BATF2: variants seen among roughly 807,000 people sequenced by gnomAD.
The protein encoded by BATF2 is basic leucine zipper transcriptional factor ATF-like 2.
In BATF2, 4 loss-of-function variants were observed where a neutral mutation model predicts 7.3. The ratio of observed to expected loss-of-function variants is 0.55; its 90% CI spans 0.27 to 1.26. The LOEUF (loss-of-function observed/expected upper bound fraction) is 1.26, where lower values mean the gene tolerates loss of function less well. Among genes scored for constraint, BATF2 ranks in the 50% most tolerant of loss-of-function variants. The pLI is 0.11. For missense variants in BATF2, 295 were observed against 340.5 expected (o/e 0.87, Z 1.05); for synonymous variants, 152 against 153.9 (o/e 0.99, Z 0.09).
chr11:64,990,429 T>C, intron 2 of BATF2: 4 of 1,338,212 alleles, frequency 3.0e-6, no homozygotes, highest in Non-Finnish European at 3.9e-6. Context: ...AGATTGCTTA[T>C]TGCCACTGCC....
rs1254158320 is a variant in BATF2, at chr11:64,989,208, CA to C, written c.745del (p.Trp249GlyfsTer61). 6.2e-7 allele frequency: 1 copy of C among 1,614,060 alleles called. No homozygotes were observed. Among genetic ancestry groups the C allele is most frequent in the Non-Finnish European group, 8.5e-7 (1 of 1,179,990 alleles). ...EHKPALSAAT[W>X]QGLVVDPSPH... ...GCTGGGATCCACAACCAGCCCTTGC[CA>C]AGTGGCTGCTGAGAGAGCAGGTTTG... On this transcript the variant is annotated frameshift_variant, in exon 3 of 3. Coordinates refer to ENST00000301887, the MANE Select transcript of BATF2 (RefSeq NM_138456.4). LOFTEE classifies it low-confidence loss of function (END_TRUNC). This position sits in a 1 kb window ranked among gnomAD's most constrained non-coding sequence, Gnocchi z 4.3.
chr11:64,992,370 C>A (rs1009331307), intron 2 of BATF2, among the ~76,000 whole-genome samples: 4 of 152,072 alleles, frequency 2.6e-5, no homozygotes, highest in Admixed American at 6.5e-5. Flanking sequence ...CCTGGCTCAT[C>A]TCCTCTTTAG....
chr11:64,992,021 CTTT>C (rs956532165), intron 2 of BATF2, among the ~76,000 whole-genome samples: 1 of 152,014 alleles, frequency 6.6e-6, no homozygotes, highest in African/African-American at 2.4e-5. Context: ...GCTTCATCGC[CTTT>C]TTTTGTTGTT....
In BATF2 at chr11:64,989,640, C is replaced by T. The variant is rs867057001; in HGVS notation, c.314G>A (p.Gly105Glu). Residue 105 changes from glycine (G) to glutamate (E), a missense_variant, in exon 3 of 3, where the codon GGG (glycine) becomes GAG (glutamate). Transcript: ENST00000301887. The surrounding 1 kb of genome is among the most constrained non-coding windows in gnomAD (Gnocchi z 4.3). ...GLLGCWDQAE[G>E]LLGPGPQGQH... ...TCCCTGTGGGCCAGGGCCCAGGAGCCCCTCAGCCTGGTCCCAGCAGCCCAG... is the reference window on the plus strand; with the variant it reads ...TCCCTGTGGGCCAGGGCCCAGGAGCTCCTCAGCCTGGTCCCAGCAGCCCAG... 6.2e-7 allele frequency: 1 copy of T among 1,612,692 alleles called. No homozygotes were observed. The highest frequency in any genetic ancestry group is 8.5e-7 in the Non-Finnish European group (1 of 1,179,554).
At position 64,994,759 on chromosome 11, in the gene BATF2, C is replaced by T. The variant is rs112703131; in HGVS notation, c.40-210G>A. 3.8e-3 allele frequency among the ~76,000 whole-genome samples: 585 copies of T among 152,346 alleles called. 1 individual carries two copies. Among genetic ancestry groups the T allele is most frequent in the Non-Finnish European group, 7.1e-3 (486 of 68,034 alleles). On this transcript the variant is annotated intron_variant, in intron 1 of 2. Coordinates refer to ENST00000301887, the MANE Select transcript of BATF2 (RefSeq NM_138456.4). ...AGCCTCACCCCTGTGTCCTGCTCACCGCTCATGTGGAGGGTGGGAGGGCAA... is the reference window on the plus strand; with the variant it reads ...AGCCTCACCCCTGTGTCCTGCTCACTGCTCATGTGGAGGGTGGGAGGGCAA...
rs1215725532 is a variant in BATF2 at position 64,996,876 on chromosome 11, T to C, written c.39A>G (p.Thr13=). The part of the protein sequence containing the change: ...LCGGNGLLTQ[T]DPKEQQRQLK... The stretch of plus-strand genomic sequence containing the variant: ...CCGATCCCCAATCCCCTGTACTCAC[T>C]GTCTGGGTCAGCAGCCCATTGCCCC... Residue 13 remains threonine (T), a splice_region_variant and synonymous_variant, in exon 1 of 3, where the codon ACA becomes ACG. Transcript: ENST00000301887. 6.2e-7 allele frequency: 1 copy of C among 1,610,608 alleles called. No individual in the cohort carries two copies.
chr11:64,989,728 T>G lies in BATF2; in HGVS notation c.226A>C (p.Thr76Pro). ...CACAGGCGCTCATGCACGTGCAGGG[T>G]CCGGCTCCACCACGCCAGCTCGGCC... ...LQAELAWWSR[T>P]LHVHERLCPM... The change falls in exon 3 of 3, where the codon ACC (threonine) becomes CCC (proline). Residue 76 changes from threonine to proline, a missense_variant. Physicochemically the swap from Thr to Pro is conservative, Grantham distance 38. Transcript: ENST00000301887. This position sits in a 1 kb window ranked among gnomAD's most constrained non-coding sequence, Gnocchi z 4.3. 1 of 1,613,874 alleles carries G rather than the reference T, an allele frequency of 6.2e-7. No homozygotes were observed. The highest frequency in any genetic ancestry group is 8.5e-7 in the Non-Finnish European group (1 of 1,179,966).
chr11:64,992,141 C>T (rs1160953669), intron 2 of BATF2, among the ~76,000 whole-genome samples: 1 of 152,166 alleles, frequency 6.6e-6, no homozygotes, highest in Non-Finnish European at 1.5e-5. Flanking sequence ...AAGCAATTCT[C>T]CTGCCTCAGC....
In BATF2 at chr11:64,989,470, C is replaced by T; in HGVS notation, c.484G>A (p.Val162Met). The change falls in exon 3 of 3, where the codon GTG (valine) becomes ATG (methionine). Residue 162 changes from valine (V) to methionine (M), a missense_variant. Transcript: ENST00000301887. The surrounding 1 kb of genome is among the most constrained non-coding windows in gnomAD (Gnocchi z 4.3). ...AGCTGGACAGGAGGTTCAGCAACCA[C>T]AGCGGGGCCAAGGGACAGTGAGGGC... Reference protein sequence around the residue: ...PLPSLSLGPAVVAEPPVQLSP... With the variant: ...PLPSLSLGPAMVAEPPVQLSP... The T allele has an allele frequency of 6.2e-7, 1 of 1,611,460 alleles. No homozygotes were observed. Among genetic ancestry groups the T allele is most frequent in the Non-Finnish European group, 8.5e-7 (1 of 1,178,808 alleles).
Position 64,989,036 on chromosome 11 carries a change from A to G in BATF2, c.*93T>C, listed in dbSNP as rs749388564. On this transcript the variant is annotated 3_prime_UTR_variant, in exon 3 of 3. Coordinates refer to ENST00000301887, the MANE Select transcript of BATF2 (RefSeq NM_138456.4). This position sits in a 1 kb window ranked among gnomAD's most constrained non-coding sequence, Gnocchi z 4.3. The stretch of plus-strand genomic sequence containing the variant: ...TCCTGGGCCAGCTGGTCAGCCACGC[A>G]GGGCAGCACCCAGTAGTGAGGGAGG... The G allele has an allele frequency of 6.3e-6, 9 of 1,428,968 alleles. No individual in the cohort carries two copies. Among genetic ancestry groups the G allele is most frequent in the South Asian group, 1.2e-5 (1 of 84,942 alleles). The allele number at this position is 1,428,968 out of a possible 1,614,324, so 88.5% of individuals were successfully genotyped here.
intron 2 of BATF2, among the ~76,000 whole-genome samples, chr11:64,993,954 C>G (rs1741871780): frequency 2.0e-5 from 3 of 152,148 alleles, no homozygotes; most frequent in Admixed American, 2.0e-4. Context: ...CACCATCACG[C>G]CCAGCTAACT....
chr11:64,991,774 T>C (rs1187884497), intron 2 of BATF2, among the ~76,000 whole-genome samples: 1 of 152,080 alleles, frequency 6.6e-6, no homozygotes, highest in Non-Finnish European at 1.5e-5. Flanking sequence ...TCTACAGCTC[T>C]ATATCCAGTG....
intron 2 of BATF2, among the ~76,000 whole-genome samples, chr11:64,991,591 G>A (rs1305972733): frequency 6.6e-6 from 1 of 152,204 alleles, no homozygotes; most frequent in African/African-American, 2.4e-5. Flanking sequence ...GGAGGCTCAA[G>A]GAGTAACAAT....
rs1347629603 is a variant in BATF2, at chr11:64,992,815, T to A, written c.141+1633A>T. ...AAGCTGAGGTTGCAGTGAGCCAGGA[T>A]CGTGGACTGCACTCTAGCCTGGACA... is the stretch of plus-strand genomic sequence containing the variant. On this transcript the variant is annotated intron_variant, in intron 2 of 2. Coordinates refer to ENST00000301887, the MANE Select transcript of BATF2 (RefSeq NM_138456.4). Among the ~76,000 whole-genome samples the A allele has an allele frequency of 9.3e-5, 14 of 150,458 alleles. No individual in the cohort carries two copies. In the East Asian group the frequency reaches 2.2e-3, roughly 24 times the overall value.
At position 64,989,473 on chromosome 11, in the gene BATF2, C is replaced by A; in HGVS notation, c.481G>T (p.Ala161Ser). The change falls in exon 3 of 3, where the codon GCT becomes TCT. Residue 161 changes from alanine (A) to serine (S), a missense_variant. Transcript: ENST00000301887. The surrounding 1 kb of genome is among the most constrained non-coding windows in gnomAD (Gnocchi z 4.3). ...CPLPSLSLGP[A>S]VVAEPPVQLS... The stretch of plus-strand genomic sequence containing the variant: ...TGGACAGGAGGTTCAGCAACCACAG[C>A]GGGGCCAAGGGACAGTGAGGGCAGG... The A allele has an allele frequency of 6.2e-7, 1 of 1,610,788 alleles. No homozygotes were observed. Among genetic ancestry groups the A allele is most frequent in the South Asian group, 1.1e-5 (1 of 90,692 alleles).
chr11:64,988,742 A>G lies in BATF2; in HGVS notation c.*387T>C, dbSNP rs1301470314. 3.8e-6 allele frequency: 1 copy of G among 265,804 alleles called. No individual in the cohort carries two copies. The highest frequency in any genetic ancestry group is 7.4e-6 in the Non-Finnish European group (1 of 135,442). 16.5% of individuals were successfully genotyped at this position (265,804 alleles called of 1,614,324 possible). On this transcript the variant is annotated 3_prime_UTR_variant, in exon 3 of 3. Coordinates refer to ENST00000301887, the MANE Select transcript of BATF2 (RefSeq NM_138456.4). ...CTGAGCATGCAAACCTTCTCACACC[A>G]GCCCACGGTTTCCAGGATTTCAGCC...
chr11:64,992,021 C>CTT (rs956532165), intron 2 of BATF2, among the ~76,000 whole-genome samples: 4 of 152,132 alleles, frequency 2.6e-5, no homozygotes, highest in African/African-American at 7.2e-5. Context: ...GCTTCATCGC[C>CTT]TTTTTTTGTT....
Position 64,988,985 on chromosome 11 carries a change from TG to T in BATF2, c.*143del. 2 of 820,198 alleles carry T rather than the reference TG, an allele frequency of 2.4e-6. No homozygotes were observed. The highest frequency in any genetic ancestry group is 4.0e-6 in the Non-Finnish European group (2 of 500,424). The allele number at this position is 820,198 out of a possible 1,614,324, so 50.8% of individuals were successfully genotyped here. ...GGCCTGTCACAGTGGGAGGCATCAGTGGTGGCTTCCTTTTCGACTGTGAAAT... is the reference window on the plus strand; with the variant it reads ...GGCCTGTCACAGTGGGAGGCATCAGTGTGGCTTCCTTTTCGACTGTGAAAT... On this transcript the variant is annotated 3_prime_UTR_variant, in exon 3 of 3. Transcript: ENST00000301887.
chr11:64,991,153 ATT>A (rs986602706), intron 2 of BATF2, among the ~76,000 whole-genome samples: 19 of 112,996 alleles, frequency 1.7e-4, no homozygotes, highest in Admixed American at 2.1e-4. Context: ...GGAATGATGA[ATT>A]TTTTTTTTTT....
Sources: gnomAD v4.1 joint callset for allele counts (sites outside exome capture counted in the v4.1 genomes callset) on GRCh38, gnomAD v4.1.1 for gene constraint, Gnocchi (gnomAD v3.1) non-coding constraint, MANE v1.5 for transcripts, NCBI Gene and HGNC (gene_info 2026-07-23, HGNC 2026-07-21) for gene names.